Variants in SLC41A3 observed in about 807,000 individuals in gnomAD.
The protein encoded by SLC41A3 is solute carrier family 41 member 3.
A neutral mutation model predicts 45.4 loss-of-function variants in SLC41A3; 44 were observed. That is an observed-to-expected ratio of 0.97 (90% confidence interval 0.76 to 1.25). The LOEUF is 1.25. SLC41A3 is among the 50% of genes most tolerant of loss of function. The pLI is 0.00. For synonymous variants in SLC41A3, 256 were observed against 252.4 expected (o/e 1.01, Z -0.13); for missense variants, 550 against 600.6 (o/e 0.92, Z 0.88).
At position 126,012,604 on chromosome 3, in the gene SLC41A3, A is replaced by ATGACACCC; in HGVS notation, c.1105+3_1105+10dup. 1 of 1,613,956 alleles carries ATGACACCC rather than the reference A, an allele frequency of 6.2e-7. No individual in the cohort carries two copies. Among genetic ancestry groups the ATGACACCC allele is most frequent in the Non-Finnish European group, 8.5e-7 (1 of 1,179,886 alleles). ...ATGGCTATCATGGCCTCTGAAAGAC[A>ATGACACCC]TGACACCCACCTGACGTGCAGAAAG... On this transcript the variant is annotated intron_variant, in intron 9 of 10. Transcript: ENST00000360370.
chr3:126,026,537 T>C lies in SLC41A3; in HGVS notation c.454-58A>G. The C allele has an allele frequency of 6.4e-7, 1 of 1,569,534 alleles. No homozygotes were observed. Among genetic ancestry groups the C allele is most frequent in the African/African-American group, 1.3e-5 (1 of 74,220 alleles). On this transcript the variant is annotated intron_variant, in intron 4 of 10. Coordinates refer to ENST00000360370, the MANE Select transcript of SLC41A3 (RefSeq NM_017836.4). This position sits in a 1 kb window ranked among gnomAD's most constrained non-coding sequence, Gnocchi z 4.2. ...GCCCCGGGGCCACAGCCACACTCCCTGCCCTTCACACCTCACTCACCGCAA... is the reference window on the plus strand; with the variant it reads ...GCCCCGGGGCCACAGCCACACTCCCCGCCCTTCACACCTCACTCACCGCAA...
intron 10 of SLC41A3, among the ~76,000 whole-genome samples, chr3:126,008,237 C>A (rs6438954): frequency 0.23 from 35,467 of 152,260 alleles, 4,536 homozygotes; most frequent in African/African-American, 0.34. Context: ...TGCAAGATGA[C>A]ATGTGTAGTA....
At chr3:126,040,499 G>A (rs1300701772) in intron 3 of SLC41A3, among the ~76,000 whole-genome samples, 1 of 152,192 alleles carries the variant, frequency 6.6e-6, no homozygotes. Context: ...GAGCAGAAGG[G>A]AGCCTGGAGC....
intron 4 of SLC41A3, 98 bp downstream of exon 4, chr3:126,033,509 G>A: frequency 2.3e-6 from 3 of 1,316,218 alleles, no homozygotes; most frequent in Non-Finnish European, 3.2e-6. Context: ...GTTCAGGCCA[G>A]AGTGCAGGGA....
chr3:126,028,597 G>A (rs1203108245), intron 4 of SLC41A3, among the ~76,000 whole-genome samples: 1 of 152,238 alleles, frequency 6.6e-6, no homozygotes, highest in Non-Finnish European at 1.5e-5. Context: ...TGGGGTTGGA[G>A]CCCCCCACAC....
rs1168630351 is a variant in SLC41A3, at chr3:126,056,353, CGCACTTGAAT to C, written c.274-5313_274-5304del. ...CCCCTGATCCCCCAAACACCCAGTACGCACTTGAATGGTGTTCATCACCAGGCCGGCTGTC... is the reference window on the plus strand; with the variant it reads ...CCCCTGATCCCCCAAACACCCAGTACGGTGTTCATCACCAGGCCGGCTGTC... On this transcript the variant is annotated intron_variant, in intron 2 of 10. Coordinates refer to ENST00000360370, the MANE Select transcript of SLC41A3 (RefSeq NM_017836.4). 1.9e-6 allele frequency: 3 copies of C among 1,613,396 alleles called. No individual in the cohort carries two copies. In the East Asian group the frequency reaches 6.7e-5, roughly 36 times the overall value.
At chr3:126,058,660 C>T (rs574803939) in intron 2 of SLC41A3, among the ~76,000 whole-genome samples, 1 of 152,354 alleles carries the variant, frequency 6.6e-6, no homozygotes, top group East Asian at 1.9e-4. Flanking sequence ...TTCACAGGCA[C>T]AACCCACAGG....
At chr3:126,044,146 G>GGCTAT (rs1196071624) in intron 3 of SLC41A3, among the ~76,000 whole-genome samples, 6 of 152,200 alleles carry the variant, frequency 3.9e-5, no homozygotes, top group African/African-American at 4.8e-5. Context: ...GGGCAGAGGT[G>GGCTAT]GCTATGCTAA....
chr3:126,096,419 C>A (rs1945604083), intron 1 of SLC41A3, among the ~76,000 whole-genome samples: 1 of 152,028 alleles, frequency 6.6e-6, no homozygotes, highest in Admixed American at 6.5e-5. Context: ...CATAAACTGG[C>A]CCCAAAACTG....
intron 6 of SLC41A3, among the ~76,000 whole-genome samples, chr3:126,021,745 T>A (rs1170869898): frequency 6.6e-6 from 1 of 152,176 alleles, no homozygotes; most frequent in Non-Finnish European, 1.5e-5. Context: ...AGTTTAGAGT[T>A]CACCTGAGCC....
intron 3 of SLC41A3, among the ~76,000 whole-genome samples, chr3:126,045,252 T>C (rs1189173816): frequency 6.7e-6 from 1 of 150,152 alleles, no homozygotes; most frequent in African/African-American, 2.5e-5. Flanking sequence ...AACCTAAAGT[T>C]CACAGAAAGA....
At chr3:126,059,310 G>GAAAGAAAA (rs1553740822) in intron 2 of SLC41A3, among the ~76,000 whole-genome samples, 2 of 88,198 alleles carry the variant, frequency 2.3e-5, no homozygotes, top group South Asian at 4.2e-4. Flanking sequence ...AAGAAAGAAA[G>GAAAGAAAA]GAAGGATGAT....
chr3:126,025,389 G>C (rs1941254136), intron 5 of SLC41A3: 1 of 152,208 alleles, frequency 6.6e-6, no homozygotes, highest in Non-Finnish European at 1.5e-5. Context: ...CCCCACTCTT[G>C]AGGAGCTGAC....
intron 6 of SLC41A3, among the ~76,000 whole-genome samples, chr3:126,018,269 G>A (rs1322749387): frequency 6.6e-6 from 1 of 152,172 alleles, no homozygotes. Context: ...TACAGCCTGG[G>A]GCAGAGGCAA....
At chr3:126,040,183 AG>A (rs1319533876) in intron 3 of SLC41A3, among the ~76,000 whole-genome samples, 2 of 152,234 alleles carry the variant, frequency 1.3e-5, no homozygotes, top group African/African-American at 4.8e-5. Flanking sequence ...TCAAGAATAT[AG>A]TAACTATCTA....
At chr3:126,072,860 A>G (rs72981575) in intron 1 of SLC41A3, among the ~76,000 whole-genome samples, 10,538 of 152,302 alleles carry the variant, frequency 0.069, 602 homozygotes, top group East Asian at 0.15. Context: ...CAAAGACACA[A>G]AATCAGCCTA....
chr3:126,101,028 G>C (rs532417027), intron 1 of SLC41A3, among the ~76,000 whole-genome samples: 1 of 152,212 alleles, frequency 6.6e-6, no homozygotes, highest in Non-Finnish European at 1.5e-5. Flanking sequence ...GAGTCGCCCC[G>C]GGGGAGATGA....
At chr3:126,056,384 C>CCG in intron 2 of SLC41A3, 2 of 1,613,932 alleles carry the variant, frequency 1.2e-6, no homozygotes, top group Non-Finnish European at 1.7e-6. Flanking sequence ...ACCAGGCCGG[C>CCG]TGTCATCATG....
chr3:126,058,065 T>C (rs1192240044), intron 2 of SLC41A3: 2 of 152,288 alleles, frequency 1.3e-5, no homozygotes, highest in African/African-American at 4.8e-5. Flanking sequence ...TGGTCACACA[T>C]AGAGGCCGTA....
Sources: allele counts gnomAD v4.1 joint callset (sites outside exome capture counted in the v4.1 genomes callset), GRCh38; gene constraint gnomAD v4.1.1; non-coding constraint Gnocchi (gnomAD v3.1); transcripts MANE v1.5; gene names NCBI Gene and HGNC (gene_info 2026-07-23, HGNC 2026-07-21).